The following SYN2 variants were observed in gnomAD, a reference collection of about 807,000 sequenced individuals.
SYN2 encodes synapsin-2.
In SYN2, 19 loss-of-function variants were observed where a neutral mutation model predicts 50.9. The ratio of observed to expected loss-of-function variants is 0.37; its 90% confidence interval spans 0.26 to 0.55. SYN2 has a LOEUF of 0.55. Ranked by LOEUF, SYN2 falls within the 20% of genes least tolerant of loss-of-function variation. The pLI is 0.81. For synonymous variants in SYN2, 255 were observed against 224.9 expected (o/e 1.13, Z -1.20); for missense variants, 587 against 576.4 (o/e 1.02, Z -0.19).
Position 12,187,476 on chromosome 3 carries a change from T to C in SYN2, c.1477T>C (p.Ser493Pro), listed in dbSNP as rs1559460745. ...ACCTTCCTCCTCTTCCTCCTCTTCTTCCTCCTCCTCGGCTCCTCAGCGGCC... is the reference window on the plus strand; with the variant it reads ...ACCTTCCTCCTCTTCCTCCTCTTCTCCCTCCTCCTCGGCTCCTCAGCGGCC... ...LPPSSSSSSSSSSSAPQRPGG... is the reference protein window; with the variant it reads ...LPPSSSSSSSPSSSAPQRPGG... Residue 493 changes from serine (S) to proline (P), a missense_variant, in exon 12 of 13, where the codon TCC becomes CCC. Transcript: ENST00000621198. 7.7e-6 allele frequency: 12 copies of C among 1,550,712 alleles called. No individual in the cohort carries two copies. The highest frequency in any genetic ancestry group is 1.0e-5 in the Non-Finnish European group (12 of 1,145,896).
chr3:12,131,973 C>G (rs1478464537), intron 1 of SYN2, among the ~76,000 whole-genome samples: 1 of 151,482 alleles, frequency 6.6e-6, no homozygotes, highest in African/African-American at 2.4e-5. Context: ...CCTGGTTGCT[C>G]TCTCTGATTT....
chr3:12,046,671 T>C (rs1016220601), intron 1 of SYN2, among the ~76,000 whole-genome samples: 7 of 152,062 alleles, frequency 4.6e-5, no homozygotes, highest in Non-Finnish European at 1.5e-5. Flanking sequence ...TGCAAAAAAC[T>C]AGGTGAGAGA....
At chr3:12,085,393 G>A (rs916705225) in intron 1 of SYN2, among the ~76,000 whole-genome samples, 15 of 150,430 alleles carry the variant, frequency 1.0e-4, no homozygotes, top group South Asian at 2.1e-4. Flanking sequence ...ACGCACGCAC[G>A]CACTCGATGT....
intron 1 of SYN2, among the ~76,000 whole-genome samples, chr3:12,128,213 G>A (rs558493658): frequency 2.0e-5 from 3 of 152,248 alleles, no homozygotes; most frequent in African/African-American, 7.2e-5. Flanking sequence ...CACAAGTGCT[G>A]GGATTACAGG....
chr3:12,063,858 C>T (rs1212856777), intron 1 of SYN2, among the ~76,000 whole-genome samples: 2 of 151,942 alleles, frequency 1.3e-5, no homozygotes, highest in Non-Finnish European at 2.9e-5. Context: ...GAAAAAAAAT[C>T]TACCATGCAG....
At chr3:12,054,450 T>A (rs1167514732) in intron 1 of SYN2, among the ~76,000 whole-genome samples, 1 of 152,168 alleles carries the variant, frequency 6.6e-6, no homozygotes, top group Non-Finnish European at 1.5e-5. Context: ...TGAGTCCATC[T>A]AGAATCACTC....
chr3:12,140,795 G>A, intron 2 of SYN2, 87 bp downstream of exon 2: 1 of 716,102 alleles, frequency 1.4e-6, no homozygotes, highest in Non-Finnish European at 2.6e-6. Context: ...TCTGCTGAGT[G>A]GAATACTGTG....
chr3:12,050,709 C>CTCT (rs1694838636), intron 1 of SYN2, among the ~76,000 whole-genome samples: 1 of 61,690 alleles, frequency 1.6e-5, no homozygotes, highest in Non-Finnish European at 4.0e-5. Flanking sequence ...TTCTTCTCTT[C>CTCT]TCTTTTTTTT....
intron 1 of SYN2, among the ~76,000 whole-genome samples, chr3:12,009,083 G>C (rs1214040643): frequency 6.6e-6 from 1 of 152,200 alleles, no homozygotes; most frequent in Middle Eastern, 3.2e-3. Context: ...AAGGTTTGGG[G>C]CTTCTCTTTG....
chr3:12,071,565 CTTT>C, intron 1 of SYN2: 1 of 341,750 alleles, frequency 2.9e-6, no homozygotes, highest in Non-Finnish European at 5.8e-6. Context: ...TTCAAGTTAA[CTTT>C]TACCCCTTGG....
rs752921551 is a variant in SYN2 at position 12,154,365 on chromosome 3, T to G, written c.774+3039T>G. On this transcript the variant is annotated intron_variant, in intron 5 of 12. Coordinates refer to ENST00000621198, the MANE Select transcript of SYN2 (RefSeq NM_133625.6). ...TTCAGATGGTAGTGATGATTCAGAC[T>G]TTCCCTCTGCACCAAGGACAGGTCC... The G allele has an allele frequency of 1.9e-6, 3 of 1,614,106 alleles. No individual in the cohort carries two copies. The African/African-American group carries it at 4.0e-5, about 22-fold the overall frequency.
At chr3:12,099,746 C>T (rs1696024383) in intron 1 of SYN2, among the ~76,000 whole-genome samples, 1 of 151,948 alleles carries the variant, frequency 6.6e-6, no homozygotes, top group Non-Finnish European at 1.5e-5. Context: ...GGGCGGATCA[C>T]GAGGTCAGGA....
chr3:12,043,500 A>G (rs976439554), intron 1 of SYN2, among the ~76,000 whole-genome samples: 6 of 152,202 alleles, frequency 3.9e-5, no homozygotes, highest in African/African-American at 9.6e-5. Flanking sequence ...TTATCTCCCA[A>G]CAACTTTGTG....
chr3:12,070,544 G>T, intron 1 of SYN2: 1 of 1,014,922 alleles, frequency 9.9e-7, no homozygotes. Context: ...AGCACCTGGT[G>T]CTGCTGACGG....
intron 9 of SYN2, among the ~76,000 whole-genome samples, chr3:12,168,960 A>G (rs945867561): frequency 2.6e-5 from 4 of 152,240 alleles, no homozygotes; most frequent in Admixed American, 2.6e-4. Flanking sequence ...AGCCAGTGGC[A>G]GTATGAATCC....
intron 11 of SYN2, among the ~76,000 whole-genome samples, chr3:12,187,113 C>T (rs1698357487): frequency 6.6e-6 from 1 of 152,178 alleles, no homozygotes; most frequent in African/African-American, 2.4e-5. Flanking sequence ...GACGGGGCCG[C>T]TCGTCCCTGG....
chr3:12,024,760 T>A (rs912331753), intron 1 of SYN2, among the ~76,000 whole-genome samples: 5 of 152,228 alleles, frequency 3.3e-5, no homozygotes, highest in African/African-American at 1.2e-4. Context: ...TTGTACATGA[T>A]GTTGGTGATT....
chr3:12,030,622 G>A (rs1197984192), intron 1 of SYN2, among the ~76,000 whole-genome samples: 7 of 147,108 alleles, frequency 4.8e-5, no homozygotes, highest in South Asian at 2.3e-4. Flanking sequence ...TGTATGTGTC[G>A]AGGAATGTAT....
intron 9 of SYN2, among the ~76,000 whole-genome samples, chr3:12,169,321 A>G (rs1272000463): frequency 2.0e-5 from 3 of 152,220 alleles, no homozygotes; most frequent in African/African-American, 7.2e-5. Flanking sequence ...CTGGTCATTT[A>G]GTGAGCAGAG....
Sources: allele counts gnomAD v4.1 joint callset (sites outside exome capture counted in the v4.1 genomes callset), GRCh38; gene constraint gnomAD v4.1.1; transcripts MANE v1.5; gene names NCBI Gene and HGNC (gene_info 2026-07-23, HGNC 2026-07-21).